The following RTTN variants were observed in gnomAD, a reference collection of about 807,000 sequenced individuals.
RTTN encodes rotatin.
Under a neutral mutation model 269.2 loss-of-function variants are expected in RTTN, and 182 were observed. The observed-to-expected ratio is 0.68, with a 90% CI of 0.60 to 0.76. RTTN has a LOEUF of 0.76. Among genes scored for constraint, RTTN ranks in the 30% least tolerant of loss-of-function variants. The pLI, the probability that RTTN is intolerant of heterozygous loss-of-function variation, is 0.00. For synonymous variants in RTTN, 1,006 were observed against 963.5 expected, an observed-to-expected ratio of 1.04 and a Z score of -0.82; for missense variants, 2,545 against 2,608.6, an observed-to-expected ratio of 0.98 and a Z score of 0.53.
At chr18:70,163,763 C>A (rs761091797) in intron 14 of RTTN, among the ~76,000 whole-genome samples, 1 of 152,162 alleles carries the variant, frequency 6.6e-6, no homozygotes, top group Non-Finnish European at 1.5e-5. Flanking sequence ...AATGCTCCAA[C>A]GTGCATTTCC....
At position 70,024,736 on chromosome 18, in the gene RTTN, G is replaced by T. The variant is rs1424275889; in HGVS notation, c.5936C>A (p.Ala1979Glu). The T allele has an allele frequency of 6.2e-7, 1 of 1,613,408 alleles. No individual in the cohort carries two copies. Among genetic ancestry groups the T allele is most frequent in the Non-Finnish European group, 8.5e-7 (1 of 1,179,492 alleles). The stretch of plus-strand genomic sequence containing the variant: ...GATCCTATTACCATTTGGAAAATTT[G>T]CAGTATAGACACAAAGGAGCTGCAG... ...ISLQLLCVYT[A>E]NFPNGCSSLC... The change falls in exon 44 of 49, where the codon GCA becomes GAA. Residue 1979 changes from alanine to glutamate, a missense_variant. Ala to Glu is a moderately radical substitution (Grantham distance 107, BLOSUM62 -1). Coordinates refer to ENST00000640769, the MANE Select transcript of RTTN (RefSeq NM_173630.4).
At chr18:70,090,354 T>G (rs1014940072) in intron 30 of RTTN, among the ~76,000 whole-genome samples, 2 of 152,170 alleles carry the variant, frequency 1.3e-5, no homozygotes, top group African/African-American at 4.8e-5. Flanking sequence ...AGTAAGAGAT[T>G]AACAATAACT....
At chr18:70,080,651 T>C (rs2058541073) in intron 32 of RTTN, among the ~76,000 whole-genome samples, 1 of 152,164 alleles carries the variant, frequency 6.6e-6, no homozygotes, top group Admixed American at 6.5e-5. Flanking sequence ...AGGAAATCAT[T>C]TGGCAACAAT....
chr18:70,072,272 A>G (rs1045179394), intron 34 of RTTN, among the ~76,000 whole-genome samples: 1 of 152,192 alleles, frequency 6.6e-6, no homozygotes, highest in Non-Finnish European at 1.5e-5. Flanking sequence ...AGAATACACT[A>G]GCCTTTAGAG....
intron 40 of RTTN, among the ~76,000 whole-genome samples, chr18:70,034,020 C>T (rs559614933): frequency 2.0e-5 from 3 of 152,244 alleles, no homozygotes; most frequent in East Asian, 3.9e-4. Flanking sequence ...GAAACTGAAT[C>T]CCTGAACAGA....
intron 14 of RTTN, among the ~76,000 whole-genome samples, chr18:70,161,263 G>A (rs373088583): frequency 2.0e-5 from 3 of 152,100 alleles, no homozygotes; most frequent in Non-Finnish European, 4.4e-5. Context: ...TCCCTACTCA[G>A]TAAACAGTGC....
At chr18:70,105,162 G>T (rs893651563) in intron 28 of RTTN, among the ~76,000 whole-genome samples, 1 of 152,084 alleles carries the variant, frequency 6.6e-6, no homozygotes, top group Admixed American at 6.6e-5. Flanking sequence ...CGAGCTTCCC[G>T]GCCGCTTTGA....
chr18:70,034,168 A>C (rs1300220141), intron 40 of RTTN, among the ~76,000 whole-genome samples: 3 of 152,114 alleles, frequency 2.0e-5, no homozygotes, highest in African/African-American at 4.8e-5. Context: ...ACTGTTCCCC[A>C]AAAAAATGAG....
chr18:70,184,878 G>T (rs527974323), intron 10 of RTTN, among the ~76,000 whole-genome samples: 12 of 150,334 alleles, frequency 8.0e-5, no homozygotes, highest in Non-Finnish European at 1.6e-4. Flanking sequence ...CTGGGCAACA[G>T]AGCGAGGACT....
At chr18:70,029,866 C>A in intron 42 of RTTN, 146 bp downstream of exon 42, 1 of 573,408 alleles carries the variant, frequency 1.7e-6, no homozygotes, top group East Asian at 2.8e-5. Flanking sequence ...AGCCAACAAT[C>A]TGCTAATGTA....
intron 14 of RTTN, among the ~76,000 whole-genome samples, chr18:70,156,708 C>T (rs1426147205): frequency 2.6e-5 from 4 of 152,182 alleles, no homozygotes; most frequent in Non-Finnish European, 4.4e-5. Context: ...CTCTTTTGTA[C>T]TCTGTCCCTT....
chr18:70,153,057 G>A (rs2060580151), intron 14 of RTTN, among the ~76,000 whole-genome samples: 1 of 152,040 alleles, frequency 6.6e-6, no homozygotes, highest in South Asian at 2.1e-4. Flanking sequence ...CACCTGAAAA[G>A]CAGAGGCTTT....
intron 32 of RTTN, among the ~76,000 whole-genome samples, chr18:70,079,471 A>G (rs1191696821): frequency 6.6e-6 from 1 of 152,118 alleles, no homozygotes; most frequent in African/African-American, 2.4e-5. Context: ...TAATGGTTCA[A>G]GGGCCAGAAC....
chr18:70,148,900 C>T lies in RTTN; in HGVS notation c.2309+1G>A, dbSNP rs1439248287. On this transcript the variant is annotated splice_donor_variant, in intron 17 of 48. Coordinates refer to ENST00000640769, the MANE Select transcript of RTTN (RefSeq NM_173630.4). LOFTEE classifies it high-confidence loss of function. Reference sequence around the variant, plus strand: ...CGTTCACAAGATTACGTTGTACTCACGATGGCTTTTTCACTAGCAAAAGTC... The same window carrying T: ...CGTTCACAAGATTACGTTGTACTCATGATGGCTTTTTCACTAGCAAAAGTC... 2 of 1,613,284 alleles carry T rather than the reference C, an allele frequency of 1.2e-6. No homozygotes were observed. The highest frequency in any genetic ancestry group is 2.2e-5 in the East Asian group (1 of 44,864).
rs537813164 is a variant in RTTN, at chr18:70,022,909, T to C, written c.5950+1813A>G. ...GGGTTTCTGCTTCTCCATCTACACATTCTCCCTGGGTAATCGCAAACAGCC... is the reference window on the plus strand; with the variant it reads ...GGGTTTCTGCTTCTCCATCTACACACTCTCCCTGGGTAATCGCAAACAGCC... On this transcript the variant is annotated intron_variant, in intron 44 of 48. Coordinates refer to ENST00000640769, the MANE Select transcript of RTTN (RefSeq NM_173630.4). 1.3e-4 allele frequency among the ~76,000 whole-genome samples: 20 copies of C among 152,242 alleles called. No homozygotes were observed. The South Asian group carries it at 2.1e-3, about 16-fold the overall frequency.
At chr18:70,185,953 TA>T (rs992131626) in intron 10 of RTTN, among the ~76,000 whole-genome samples, 1 of 149,266 alleles carries the variant, frequency 6.7e-6, no homozygotes, top group Non-Finnish European at 1.5e-5. Flanking sequence ...AGTGTTTTTT[TA>T]AAAAAAAACC....
chr18:70,058,201 A>C (rs2057872749), intron 36 of RTTN, among the ~76,000 whole-genome samples: 1 of 152,236 alleles, frequency 6.6e-6, no homozygotes, highest in African/African-American at 2.4e-5. Flanking sequence ...CACTGTTCAT[A>C]TTTAGAAAGT....
At chr18:70,133,449 A>G (rs2060046870) in intron 23 of RTTN, among the ~76,000 whole-genome samples, 1 of 152,160 alleles carries the variant, frequency 6.6e-6, no homozygotes, top group African/African-American at 2.4e-5. Context: ...CTTAGCAGTC[A>G]TTTCTTCATA....
chr18:70,121,721 T>A (rs2059743418), intron 25 of RTTN, 21 bp from the exon 26 acceptor site: 1 of 1,520,666 alleles, frequency 6.6e-7, no homozygotes, highest in Non-Finnish European at 8.8e-7. Context: ...AAGACAATAA[T>A]CATGGTTTCT....
Sources: allele counts gnomAD v4.1 joint callset (sites outside exome capture counted in the v4.1 genomes callset), GRCh38; gene constraint gnomAD v4.1.1; transcripts MANE v1.5; gene names NCBI Gene and HGNC (gene_info 2026-07-23, HGNC 2026-07-21).